TMTC2: variants seen among roughly 807,000 people sequenced by gnomAD.
TMTC2 encodes the protein transmembrane O-mannosyltransferase targeting cadherins 2, also known as protein O-mannosyl-transferase TMTC2.
In TMTC2, 43 loss-of-function variants were observed where a neutral mutation model predicts 82.4. That is an observed-to-expected ratio of 0.52 (90% CI 0.41 to 0.67). The LOEUF (loss-of-function observed/expected upper bound fraction) is 0.67. Among genes scored for constraint, TMTC2 ranks in the 30% least tolerant of loss-of-function variants. The probability of loss-of-function intolerance (pLI) is 0.00; values close to 1 mark genes in which losing one functional copy is unlikely to be tolerated. For synonymous variants in TMTC2, 408 were observed against 381.9 expected (o/e 1.07, Z -0.80); for missense variants, 919 against 1,012.4 (o/e 0.91, Z 1.25).
At chr12:82,796,490 A>T (rs1878722587) in intron 1 of TMTC2, among the ~76,000 whole-genome samples, 1 of 152,180 alleles carries the variant, frequency 6.6e-6, no homozygotes, top group South Asian at 2.1e-4. Context: ...TTTAACTTAC[A>T]CAACAGCCTC....
At chr12:82,844,733 CG>C (rs1251262021) in intron 1 of TMTC2, among the ~76,000 whole-genome samples, 1 of 150,690 alleles carries the variant, frequency 6.6e-6, no homozygotes, top group Admixed American at 6.6e-5. Flanking sequence ...ACCCAGGAGG[CG>C]GAGCTTGCAG....
chr12:82,768,717 C>T (rs1424547622), intron 1 of TMTC2, among the ~76,000 whole-genome samples: 1 of 151,760 alleles, frequency 6.6e-6, no homozygotes, highest in Non-Finnish European at 1.5e-5. Context: ...AGTGTTGATG[C>T]AGGATTTTCT....
chr12:83,014,877 A>G (rs1018254950), intron 8 of TMTC2, among the ~76,000 whole-genome samples: 1 of 152,206 alleles, frequency 6.6e-6, no homozygotes, highest in Non-Finnish European at 1.5e-5. Flanking sequence ...TTACTCTGTA[A>G]CATGCACTGT....
chr12:82,720,715 C>A (rs1874169517), intron 1 of TMTC2, among the ~76,000 whole-genome samples: 1 of 152,130 alleles, frequency 6.6e-6, no homozygotes, highest in African/African-American at 2.4e-5. Flanking sequence ...TTGATGTCAC[C>A]AGCGCTTGTT....
chr12:82,691,468 A>G (rs759921122), intron 1 of TMTC2, among the ~76,000 whole-genome samples: 2 of 152,150 alleles, frequency 1.3e-5, no homozygotes, highest in Non-Finnish European at 2.9e-5. Context: ...TAAACACATG[A>G]GTTAATTTTT....
At chr12:82,761,868 T>TTCTC (rs1876654545) in intron 1 of TMTC2, among the ~76,000 whole-genome samples, 2 of 52,924 alleles carry the variant, frequency 3.8e-5, no homozygotes, top group Admixed American at 3.1e-4. Flanking sequence ...CTGTTTCTCT[T>TTCTC]TCTCTCTTTC....
intron 1 of TMTC2, among the ~76,000 whole-genome samples, chr12:82,763,021 T>G (rs1307346974): frequency 6.6e-6 from 1 of 152,126 alleles, no homozygotes; most frequent in Admixed American, 6.5e-5. Context: ...TTAATTAATT[T>G]TTTAAAGATG....
intron 2 of TMTC2, among the ~76,000 whole-genome samples, chr12:82,876,422 A>T (rs1565789188): frequency 5.9e-5 from 9 of 152,156 alleles, no homozygotes; most frequent in Admixed American, 5.9e-4. Flanking sequence ...TGATGTTAAT[A>T]TCTCTCTTCA....
In TMTC2 at chr12:82,965,606, G is replaced by A. The variant is rs745546701; in HGVS notation, c.1731G>A (p.Thr577=). The change falls in exon 6 of 12, where the codon ACG becomes ACA. Residue 577 remains threonine (T), a synonymous_variant. Transcript: ENST00000321196. The stretch of plus-strand genomic sequence containing the variant: ...TTATTCTAATGAACCAAGGAAGGAC[G>A]GAAGAAGCCCGACGGACATTCTTAA... ...TGIILMNQGR[T]EEARRTFLKC... 2.9e-5 allele frequency: 47 copies of A among 1,613,310 alleles called. No individual in the cohort carries two copies. Among genetic ancestry groups the A allele is most frequent in the Middle Eastern group, 1.6e-4 (1 of 6,082 alleles).
intron 11 of TMTC2, among the ~76,000 whole-genome samples, chr12:83,086,492 G>C (rs546081826): frequency 1.3e-5 from 2 of 152,246 alleles, no homozygotes; most frequent in African/African-American, 4.8e-5. Flanking sequence ...ACAAACTGCT[G>C]TGTGACCTTG....
At chr12:82,903,321 T>G (rs998121933) in intron 3 of TMTC2, among the ~76,000 whole-genome samples, 13 of 152,224 alleles carry the variant, frequency 8.5e-5, no homozygotes, top group Admixed American at 2.0e-4. Flanking sequence ...TACTATATTT[T>G]CTATAATTAT....
At chr12:82,770,555 T>C (rs1877236164) in intron 1 of TMTC2, among the ~76,000 whole-genome samples, 1 of 152,064 alleles carries the variant, frequency 6.6e-6, no homozygotes, top group Admixed American at 6.5e-5. Flanking sequence ...CCTCAGGTAA[T>C]TTTATCTTTC....
At chr12:82,997,221 C>CTCTCTCTATATATATA (rs1451262969) in intron 8 of TMTC2, among the ~76,000 whole-genome samples, 4 of 118,512 alleles carry the variant, frequency 3.4e-5, no homozygotes, top group African/African-American at 1.1e-4. Context: ...CTCTCTCTCT[C>CTCTCTCTATATATATA]TATATATATA....
intron 11 of TMTC2, among the ~76,000 whole-genome samples, chr12:83,099,683 ATC>A (rs1884149197): frequency 3.3e-5 from 5 of 151,884 alleles, no homozygotes; most frequent in Non-Finnish European, 7.4e-5. Context: ...CTTGTTCTTC[ATC>A]ACTTGAAAAA....
chr12:82,712,025 G>T (rs971172438), intron 1 of TMTC2, among the ~76,000 whole-genome samples: 1 of 151,948 alleles, frequency 6.6e-6, no homozygotes, highest in Non-Finnish European at 1.5e-5. Flanking sequence ...CTCCTTTCCT[G>T]TCTTTTCTTA....
chr12:82,851,344 C>T (rs1483737341), intron 1 of TMTC2, among the ~76,000 whole-genome samples: 2 of 151,702 alleles, frequency 1.3e-5, no homozygotes, highest in Admixed American at 6.6e-5. Context: ...GCAGGAGAAT[C>T]GCTTGAACCC....
intron 1 of TMTC2, among the ~76,000 whole-genome samples, chr12:82,751,469 A>G (rs1875999276): frequency 6.6e-6 from 1 of 152,144 alleles, no homozygotes; most frequent in Non-Finnish European, 1.5e-5. Flanking sequence ...GCACACCAGC[A>G]TGGCACATGT....
At chr12:82,962,859 T>A (rs186485549) in intron 4 of TMTC2, among the ~76,000 whole-genome samples, 6 of 152,132 alleles carry the variant, frequency 3.9e-5, no homozygotes, top group African/African-American at 1.4e-4. Flanking sequence ...AAACACCAAC[T>A]CCTTTTAAAG....
At chr12:82,866,244 C>CAAAAAAAAAAA (rs762068833) in intron 2 of TMTC2, among the ~76,000 whole-genome samples, 1 of 52,332 alleles carries the variant, frequency 1.9e-5, no homozygotes, top group Non-Finnish European at 4.4e-5. Context: ...TTGAAAAGAT[C>CAAAAAAAAAAA]AAAAAAAAAA....
Sources: gnomAD v4.1 joint callset for allele counts (sites outside exome capture counted in the v4.1 genomes callset) on GRCh38, gnomAD v4.1.1 for gene constraint, MANE v1.5 for transcripts, NCBI Gene and HGNC (gene_info 2026-07-23, HGNC 2026-07-21) for gene names.